EXOC6B: variants seen among roughly 807,000 people sequenced by gnomAD.
EXOC6B encodes exocyst complex component 6B.
EXOC6B carries 54 observed loss-of-function variants against 113.5 expected under a neutral mutation model. That is an observed-to-expected ratio of 0.48 (90% CI 0.38 to 0.60). EXOC6B has a LOEUF of 0.60. Among genes scored for constraint, EXOC6B ranks in the 20% least tolerant of loss-of-function variants. The pLI is 0.00. For synonymous variants in EXOC6B, 357 were observed against 339.0 expected (o/e 1.05, Z -0.58); for missense variants, 797 against 977.5 (o/e 0.82, Z 2.46).
chr2:72,557,301 G>GGGA (rs1703611263), intron 8 of EXOC6B, among the ~76,000 whole-genome samples: 1 of 76,260 alleles, frequency 1.3e-5, no homozygotes, highest in Non-Finnish European at 2.6e-5. Flanking sequence ...GGGGGGGGGG[G>GGGA]GGGGCCTTTA....
intron 5 of EXOC6B, among the ~76,000 whole-genome samples, chr2:72,730,172 C>T (rs1392315912): frequency 2.6e-5 from 4 of 152,138 alleles, no homozygotes; most frequent in Non-Finnish European, 4.4e-5. Context: ...CTGAATTTAA[C>T]CTCACCCTTC....
At chr2:72,562,850 AC>A (rs146192370) in intron 7 of EXOC6B, among the ~76,000 whole-genome samples, 159 of 152,324 alleles carry the variant, frequency 1.0e-3, no homozygotes, top group Non-Finnish European at 2.1e-3. Context: ...AAGTTCAAAT[AC>A]ATCTATGAAG....
chr2:72,667,013 C>T (rs916130759), intron 6 of EXOC6B, among the ~76,000 whole-genome samples: 3 of 152,050 alleles, frequency 2.0e-5, no homozygotes, highest in African/African-American at 7.2e-5. Context: ...CAGGTGCATG[C>T]CACCACAGCC....
chr2:72,184,472 G>A (rs920780666), intron 20 of EXOC6B, among the ~76,000 whole-genome samples: 2 of 152,086 alleles, frequency 1.3e-5, no homozygotes, highest in African/African-American at 4.8e-5. Context: ...ACTAACACGG[G>A]ACTGAATCAA....
chr2:72,278,179 C>T (rs1440888034), intron 20 of EXOC6B, among the ~76,000 whole-genome samples: 1 of 152,192 alleles, frequency 6.6e-6, no homozygotes, highest in African/African-American at 2.4e-5. Flanking sequence ...AATGAAATCT[C>T]CTTCTCTTCC....
chr2:72,620,126 G>A (rs1288200271), intron 6 of EXOC6B, among the ~76,000 whole-genome samples: 8 of 152,228 alleles, frequency 5.3e-5, no homozygotes, highest in Non-Finnish European at 1.2e-4. Context: ...ACTATCTTCT[G>A]GGTCAGAGGT....
At chr2:72,718,908 T>C (rs1679816149) in intron 5 of EXOC6B, among the ~76,000 whole-genome samples, 1 of 152,144 alleles carries the variant, frequency 6.6e-6, no homozygotes, top group African/African-American at 2.4e-5. Context: ...AAATTCATCC[T>C]ATAAAATGAA....
intron 20 of EXOC6B, among the ~76,000 whole-genome samples, chr2:72,262,854 T>C (rs1683822531): frequency 6.6e-6 from 1 of 152,110 alleles, no homozygotes; most frequent in Middle Eastern, 3.4e-3. Flanking sequence ...AGAATTCAAA[T>C]TCACAAAAAA....
chr2:72,206,610 G>T (rs1285324485), intron 20 of EXOC6B, among the ~76,000 whole-genome samples: 1 of 152,132 alleles, frequency 6.6e-6, no homozygotes, highest in African/African-American at 2.4e-5. Context: ...AGTGTTTTAT[G>T]CTTATATCTC....
intron 7 of EXOC6B, among the ~76,000 whole-genome samples, chr2:72,565,796 CTCTT>C (rs1704136825): frequency 6.6e-6 from 1 of 152,054 alleles, no homozygotes; most frequent in African/African-American, 2.4e-5. Flanking sequence ...AATAAATACT[CTCTT>C]AAAGAAGCTG....
At chr2:72,557,897 G>T (rs1399695018) in intron 8 of EXOC6B, among the ~76,000 whole-genome samples, 1 of 151,996 alleles carries the variant, frequency 6.6e-6, no homozygotes, top group East Asian at 1.9e-4. Flanking sequence ...ATAAATAATG[G>T]TGGGCTCTAG....
chr2:72,658,874 A>C (rs556657141), intron 6 of EXOC6B, among the ~76,000 whole-genome samples: 1 of 152,262 alleles, frequency 6.6e-6, no homozygotes, highest in Non-Finnish European at 1.5e-5. Flanking sequence ...ACTTGTTTTT[A>C]TCAGATAATG....
intron 1 of EXOC6B, among the ~76,000 whole-genome samples, chr2:72,767,937 C>T (rs919682349): frequency 1.8e-4 from 27 of 148,510 alleles, no homozygotes; most frequent in Non-Finnish European, 3.7e-4. Flanking sequence ...ACAATAATGG[C>T]GAAACCCCGT....
At position 72,231,932 on chromosome 2, in the gene EXOC6B, C is replaced by A. The variant is rs750059926; in HGVS notation, c.2197-47745G>T. Among the ~76,000 whole-genome samples the A allele has an allele frequency of 1.8e-4, 27 of 151,994 alleles. 1 individual carries two copies. Among genetic ancestry groups the A allele is most frequent in the Non-Finnish European group, 7.4e-5 (5 of 68,006 alleles). On this transcript the variant is annotated intron_variant, in intron 20 of 21. Coordinates refer to ENST00000272427, the MANE Select transcript of EXOC6B (RefSeq NM_015189.3). Reference sequence around the variant, plus strand: ...CAGCTATCCCACTACTGAGTATATACCCAAAGGAACAGAAATCATCCTACC... The same window carrying A: ...CAGCTATCCCACTACTGAGTATATAACCAAAGGAACAGAAATCATCCTACC...
At chr2:72,430,712 A>T (rs553074783) in intron 18 of EXOC6B, among the ~76,000 whole-genome samples, 1 of 152,232 alleles carries the variant, frequency 6.6e-6, no homozygotes, top group African/African-American at 2.4e-5. Context: ...ACTAAATTTT[A>T]TCTCACTTAA....
At chr2:72,653,571 AT>A (rs1437906454) in intron 6 of EXOC6B, among the ~76,000 whole-genome samples, 4 of 149,994 alleles carry the variant, frequency 2.7e-5, no homozygotes, top group Admixed American at 6.6e-5. Flanking sequence ...ATAAAATAAA[AT>A]AAAAAAATAA....
chr2:72,705,259 T>C (rs992569535), intron 6 of EXOC6B, among the ~76,000 whole-genome samples: 26 of 152,238 alleles, frequency 1.7e-4, no homozygotes, highest in African/African-American at 6.0e-4. Context: ...AGAAAAAGCC[T>C]TTGACAAAAT....
chr2:72,622,659 G>A (rs1177783527), intron 6 of EXOC6B, among the ~76,000 whole-genome samples: 1 of 152,066 alleles, frequency 6.6e-6, no homozygotes, highest in East Asian at 1.9e-4. Context: ...GCAGTGAGCT[G>A]TGATCTTGCC....
intron 19 of EXOC6B, among the ~76,000 whole-genome samples, chr2:72,371,382 G>GA (rs1026639319): frequency 4.6e-5 from 7 of 152,002 alleles, no homozygotes; most frequent in African/African-American, 1.7e-4. Context: ...AAGACACATC[G>GA]AAAAAGAAAA....
Sources: gnomAD v4.1 joint callset for allele counts (sites outside exome capture counted in the v4.1 genomes callset) on GRCh38, gnomAD v4.1.1 for gene constraint, MANE v1.5 for transcripts, NCBI Gene and HGNC (gene_info 2026-07-23, HGNC 2026-07-21) for gene names.